SEMA5B: variants seen among roughly 807,000 people sequenced by gnomAD.
The protein encoded by SEMA5B is semaphorin 5B, also known as semaphorin-5B.
A neutral mutation model predicts 135.0 loss-of-function variants in SEMA5B; 66 were observed. The ratio of observed to expected loss-of-function variants is 0.49; its 90% CI spans 0.40 to 0.60. The LOEUF (loss-of-function observed/expected upper bound fraction) is 0.60. Among genes scored for constraint, SEMA5B ranks in the 20% least tolerant of loss-of-function variants. The pLI is 0.00. For synonymous variants in SEMA5B, 690 were observed against 639.5 expected (o/e 1.08, Z -1.19); for missense variants, 1,501 against 1,566.3 (o/e 0.96, Z 0.70).
chr3:122,960,029 G>T (rs1327775494), intron 2 of SEMA5B, among the ~76,000 whole-genome samples: 1 of 152,180 alleles, frequency 6.6e-6, no homozygotes, highest in African/African-American at 2.4e-5. Context: ...CCCCTGGGCA[G>T]GCTCTCTCCG....
Position 122,910,014 on chromosome 3 carries a change from C to A in SEMA5B, c.*129G>T, listed in dbSNP as rs1447752291. The A allele has an allele frequency of 3.1e-6, 3 of 979,226 alleles. No homozygotes were observed. The highest frequency in any genetic ancestry group is 4.5e-6 in the Non-Finnish European group (3 of 669,064). The allele number at this position is 979,226 out of a possible 1,614,324, so 60.7% of individuals were successfully genotyped here. On this transcript the variant is annotated 3_prime_UTR_variant, in exon 23 of 23. Transcript: ENST00000357599. ...AGAGCTCTCTGAAGCCGGATGGGAC[C>A]CCCCACAGGCAAGGCAGCAAGTTCT...
chr3:123,000,377 C>A (rs1942139187), intron 1 of SEMA5B, among the ~76,000 whole-genome samples: 2 of 152,070 alleles, frequency 1.3e-5, no homozygotes. Context: ...GTGGCCACAG[C>A]CCAGTCATCA....
At chr3:122,936,852 G>A (rs1576348647) in intron 5 of SEMA5B, among the ~76,000 whole-genome samples, 3 of 152,348 alleles carry the variant, frequency 2.0e-5, no homozygotes, top group Non-Finnish European at 1.5e-5. Flanking sequence ...TCAGAGCTTG[G>A]AGGATTGGGA....
At chr3:122,997,523 C>CCG (rs1553785298) in intron 1 of SEMA5B, among the ~76,000 whole-genome samples, 4 of 151,968 alleles carry the variant, frequency 2.6e-5, no homozygotes, top group African/African-American at 9.7e-5. Flanking sequence ...GCCTCTCCCC[C>CCG]CCCCGTCTCC....
At chr3:122,913,095 C>G in intron 17 of SEMA5B, 34 bp from the exon 18 acceptor site, 7 of 1,419,770 alleles carry the variant, frequency 4.9e-6, no homozygotes, top group Non-Finnish European at 6.4e-6. Flanking sequence ...GACTGGGCGC[C>G]CGGCCACCCC....
chr3:122,930,326 C>T (rs1938902651), intron 5 of SEMA5B, among the ~76,000 whole-genome samples: 1 of 152,188 alleles, frequency 6.6e-6, no homozygotes, highest in Admixed American at 6.5e-5. Flanking sequence ...AGTTTGGAGC[C>T]CAGGCTTCTG....
rs367603652 is a variant in SEMA5B, at chr3:122,910,139, G to A, written c.*4C>T. ...AAGAAGCCCAAGTCCCCAGGACGGCGGTATCAGCTGTTGGGGAAGCACCGT... is the reference window on the plus strand; with the variant it reads ...AAGAAGCCCAAGTCCCCAGGACGGCAGTATCAGCTGTTGGGGAAGCACCGT... On this transcript the variant is annotated 3_prime_UTR_variant, in exon 23 of 23. Transcript: ENST00000357599. 82 of 1,613,756 alleles carry A rather than the reference G, an allele frequency of 5.1e-5. No homozygotes were observed. The highest frequency in any genetic ancestry group is 1.7e-4 in the African/African-American group (13 of 75,062).
chr3:122,987,947 C>T (rs948629315), intron 1 of SEMA5B, among the ~76,000 whole-genome samples: 3 of 152,004 alleles, frequency 2.0e-5, no homozygotes, highest in Non-Finnish European at 1.5e-5. Flanking sequence ...TGGTTACTTA[C>T]CGCAAGTTGG....
chr3:122,947,240 A>G (rs1417414878), intron 3 of SEMA5B, among the ~76,000 whole-genome samples: 3 of 152,144 alleles, frequency 2.0e-5, no homozygotes, highest in Non-Finnish European at 1.5e-5. Flanking sequence ...CGAGTTTTGC[A>G]GGCTTAGGAC....
In SEMA5B at chr3:122,913,222, C is replaced by G; in HGVS notation, c.2483G>C (p.Gly828Ala). The change falls in exon 17 of 23, where the codon GGC becomes GCC. Residue 828 changes from glycine (G) to alanine (A), a missense_variant. Transcript: ENST00000357599. ...RTETRTCPAD[G>A]SGSCDTDALV... ...ACCGTCGGTGTCGCAGGAGCCGGAG[C>G]CGTCCGCGGGACAGGTCCTCGTCTC... 6.3e-7 allele frequency: 1 copy of G among 1,577,128 alleles called. No individual in the cohort carries two copies. The highest frequency in any genetic ancestry group is 1.4e-5 in the African/African-American group (1 of 73,422).
At position 123,017,321 on chromosome 3, in the gene SEMA5B, G is replaced by T. The variant is rs138710623; in HGVS notation, c.-39+10143C>A. 1.5e-4 allele frequency among the ~76,000 whole-genome samples: 23 copies of T among 151,572 alleles called. No individual in the cohort carries two copies. In the East Asian group the frequency reaches 4.4e-3, roughly 29 times the overall value. On this transcript the variant is annotated intron_variant, in intron 1 of 22. Transcript: ENST00000357599. The stretch of plus-strand genomic sequence containing the variant: ...CTCATTTAATCTTCCTTTAAACACA[G>T]CCCTACCTCATCTTACAGTTAAAAA...
At chr3:122,922,886 A>G (rs567960850) in intron 10 of SEMA5B, among the ~76,000 whole-genome samples, 6 of 81,718 alleles carry the variant, frequency 7.3e-5, no homozygotes, top group Admixed American at 4.4e-4. Context: ...CCTTCTGAGC[A>G]TCTCCTACAT....
At chr3:122,921,581 A>G (rs1487267760) in intron 12 of SEMA5B, among the ~76,000 whole-genome samples, 2 of 152,246 alleles carry the variant, frequency 1.3e-5, no homozygotes, top group Admixed American at 6.5e-5. Context: ...GAAAGGACTG[A>G]GAATAAATCA....
In SEMA5B at chr3:122,913,230, G is replaced by T. The variant is rs1176132905; in HGVS notation, c.2475C>A (p.Pro825=). 1 of 1,580,960 alleles carries T rather than the reference G, an allele frequency of 6.3e-7. No homozygotes were observed. Among genetic ancestry groups the T allele is most frequent in the Admixed American group, 1.7e-5 (1 of 58,154 alleles). Residue 825 remains proline (P), a synonymous_variant, in exon 17 of 23, where the codon CCC becomes CCA. Transcript: ENST00000357599. ...TGTCGCAGGAGCCGGAGCCGTCCGC[G>T]GGACAGGTCCTCGTCTCGGTCCTTC... ...GRRRTETRTC[P]ADGSGSCDTD... is the part of the protein sequence containing the mutation.
At chr3:122,976,227 C>T (rs1941316158) in intron 1 of SEMA5B, 1 of 1,409,942 alleles carries the variant, frequency 7.1e-7, no homozygotes, top group African/African-American at 1.4e-5. Flanking sequence ...TCTGCACCTC[C>T]TGGGAACTTG....
chr3:122,991,094 T>C (rs1941861646), intron 1 of SEMA5B, among the ~76,000 whole-genome samples: 1 of 152,218 alleles, frequency 6.6e-6, no homozygotes, highest in Admixed American at 6.5e-5. Flanking sequence ...AGTGGGATTT[T>C]CCTTCCCAGA....
intron 2 of SEMA5B, among the ~76,000 whole-genome samples, chr3:122,956,115 G>C (rs1452299519): frequency 6.6e-6 from 1 of 152,256 alleles, no homozygotes; most frequent in Non-Finnish European, 1.5e-5. Context: ...ATTGGAGCTG[G>C]GGCAGGGTGC....
chr3:122,988,003 G>A (rs1481420213), intron 1 of SEMA5B, among the ~76,000 whole-genome samples: 1 of 152,082 alleles, frequency 6.6e-6, no homozygotes, highest in African/African-American at 2.4e-5. Flanking sequence ...TGGAAGGGGG[G>A]CCTCAGAGAT....
intron 2 of SEMA5B, among the ~76,000 whole-genome samples, chr3:122,951,493 GA>G (rs1298717673): frequency 2.0e-5 from 3 of 152,112 alleles, no homozygotes; most frequent in Non-Finnish European, 4.4e-5. Flanking sequence ...AAAACTCCTG[GA>G]AAAGCCCTAA....
Sources: allele counts gnomAD v4.1 joint callset (sites outside exome capture counted in the v4.1 genomes callset), GRCh38; gene constraint gnomAD v4.1.1; transcripts MANE v1.5; gene names NCBI Gene and HGNC (gene_info 2026-07-23, HGNC 2026-07-21).